Variants in BFSP2 observed in about 807,000 individuals in gnomAD.
BFSP2 encodes phakinin.
BFSP2 carries 38 observed loss-of-function variants against 44.9 expected under a neutral mutation model. The observed-to-expected ratio is 0.85, with a 90% CI of 0.65 to 1.11. The LOEUF is 1.11. Among genes scored for constraint, BFSP2 ranks in the 50% least tolerant of loss-of-function variants. The pLI is 0.00. For missense variants in BFSP2, 525 were observed against 533.0 expected, an observed-to-expected ratio of 0.99 and a Z score of 0.15; for synonymous variants, 197 against 209.9, an observed-to-expected ratio of 0.94 and a Z score of 0.53.
At chr3:133,463,501 T>C (rs531477812) in intron 4 of BFSP2, among the ~76,000 whole-genome samples, 3 of 152,238 alleles carry the variant, frequency 2.0e-5, no homozygotes, top group Non-Finnish European at 2.9e-5. Flanking sequence ...TGTCCGCATG[T>C]GCGATGGCCT....
At chr3:133,466,418 G>A (rs952097259) in intron 4 of BFSP2, among the ~76,000 whole-genome samples, 3 of 151,630 alleles carry the variant, frequency 2.0e-5, no homozygotes, top group East Asian at 1.9e-4. Flanking sequence ...GGTGGCTCAC[G>A]CCTGTAATCC....
rs146257317 is a variant in BFSP2, at chr3:133,450,420, G to T, written c.847G>T (p.Val283Phe). ...ETIRIQWERD[V>F]EKNRVEAGAL... ...GATCAGAATTCAGTGGGAGAGAGAT[G>T]TTGAAAAGAACCGGGTGGAGGCAGG... The change falls in exon 4 of 7, where the codon GTT becomes TTT. Residue 283 changes from valine (V) to phenylalanine (F), a missense_variant. Transcript: ENST00000302334. The T allele has an allele frequency of 1.2e-6, 2 of 1,614,148 alleles. No individual in the cohort carries two copies. The highest frequency in any genetic ancestry group is 1.7e-6 in the Non-Finnish European group (2 of 1,180,010).
intron 5 of BFSP2, among the ~76,000 whole-genome samples, chr3:133,468,123 A>G (rs1490258814): frequency 6.6e-6 from 1 of 152,182 alleles, no homozygotes; most frequent in Admixed American, 6.5e-5. Context: ...CTATGTTCCT[A>G]GAACTGTACC....
At chr3:133,410,951 T>C (rs921414634) in intron 1 of BFSP2, 4 of 152,394 alleles carry the variant, frequency 2.6e-5, no homozygotes, top group African/African-American at 9.6e-5. Flanking sequence ...TGTAAAAGTT[T>C]AGAGATGTTT....
At chr3:133,447,441 A>C (rs2073913855) in intron 2 of BFSP2, 42 bp downstream of exon 2, 3 of 1,587,644 alleles carry the variant, frequency 1.9e-6, no homozygotes, top group Non-Finnish European at 2.6e-6. Context: ...CCACATCCCT[A>C]GACTCCTAGG....
At chr3:133,422,747 T>A (rs1463243949) in intron 1 of BFSP2, among the ~76,000 whole-genome samples, 2 of 32,790 alleles carry the variant, frequency 6.1e-5, no homozygotes, top group Non-Finnish European at 1.5e-4. Context: ...AGCAGTTATA[T>A]TACCCCCAGC....
intron 3 of BFSP2, among the ~76,000 whole-genome samples, chr3:133,449,856 TC>T (rs1266559618): frequency 6.7e-6 from 1 of 150,242 alleles, no homozygotes; most frequent in Non-Finnish European, 1.5e-5. Context: ...GTCACTGCAC[TC>T]CAGCCTGGGT....
At chr3:133,404,645 T>C (rs906241930) in intron 1 of BFSP2, among the ~76,000 whole-genome samples, 1 of 152,144 alleles carries the variant, frequency 6.6e-6, no homozygotes, top group South Asian at 2.1e-4. Flanking sequence ...AAATAGCAGA[T>C]AAAAATTACC....
At chr3:133,431,217 C>T (rs1470873592) in intron 1 of BFSP2, among the ~76,000 whole-genome samples, 1 of 152,164 alleles carries the variant, frequency 6.6e-6, no homozygotes, top group East Asian at 1.9e-4. Context: ...AATTCCGGCC[C>T]TCAAACCCCA....
intron 1 of BFSP2, among the ~76,000 whole-genome samples, chr3:133,445,800 G>A (rs1159997173): frequency 4.6e-5 from 7 of 152,138 alleles, no homozygotes; most frequent in African/African-American, 1.7e-4. Flanking sequence ...TAAGAGACTT[G>A]AGCATCCGTG....
intron 1 of BFSP2, among the ~76,000 whole-genome samples, chr3:133,446,893 A>G (rs952563164): frequency 3.3e-5 from 5 of 151,654 alleles, no homozygotes; most frequent in African/African-American, 9.7e-5. Flanking sequence ...CGTCACAGGA[A>G]GCTCTCTCAG....
In BFSP2 at chr3:133,475,064, C is replaced by G; in HGVS notation, c.*92C>G. The stretch of plus-strand genomic sequence containing the variant: ...GAGGAGCTTTCTCCTGAGCTCCAGT[C>G]CCTGCTGGATTCCCTGGTTAATTCA... On this transcript the variant is annotated 3_prime_UTR_variant, in exon 7 of 7. Coordinates refer to ENST00000302334, the MANE Select transcript of BFSP2 (RefSeq NM_003571.4). 6.6e-7 allele frequency: 1 copy of G among 1,514,128 alleles called. No individual in the cohort carries two copies. The highest frequency in any genetic ancestry group is 9.2e-7 in the Non-Finnish European group (1 of 1,089,160). 93.8% of individuals were successfully genotyped at this position (1,514,128 alleles called of 1,614,324 possible). A position where few individuals can be genotyped will look rare whatever the true frequency, so the allele number is the denominator to read the frequency against.
At chr3:133,424,404 G>A (rs908766929) in intron 1 of BFSP2, among the ~76,000 whole-genome samples, 4 of 151,918 alleles carry the variant, frequency 2.6e-5, no homozygotes, top group African/African-American at 9.7e-5. Context: ...AAGAAACCTC[G>A]TTTCTTTCCT....
intron 3 of BFSP2, 112 bp from the exon 4 acceptor site, chr3:133,450,191 C>A: frequency 8.4e-7 from 1 of 1,194,482 alleles, no homozygotes; most frequent in Non-Finnish European, 1.2e-6. Flanking sequence ...CTGTGTCTGG[C>A]AGTTGTGGAA....
At chr3:133,473,750 T>C (rs1215449454) in intron 6 of BFSP2, among the ~76,000 whole-genome samples, 1 of 151,948 alleles carries the variant, frequency 6.6e-6, no homozygotes, top group South Asian at 2.1e-4. Flanking sequence ...ACACAGCACA[T>C]GTTTCAGAGA....
chr3:133,426,517 G>A (rs1237341708), intron 1 of BFSP2, among the ~76,000 whole-genome samples: 2 of 152,214 alleles, frequency 1.3e-5, no homozygotes, highest in East Asian at 3.8e-4. Flanking sequence ...TGACAAAGAT[G>A]AGGTTTGAGC....
At chr3:133,419,569 T>C (rs1413759118) in intron 1 of BFSP2, among the ~76,000 whole-genome samples, 1 of 152,218 alleles carries the variant, frequency 6.6e-6, no homozygotes, top group Non-Finnish European at 1.5e-5. Context: ...CTTTGGGATG[T>C]GCCTCTTTTT....
chr3:133,413,648 C>G (rs2073477279), intron 1 of BFSP2, among the ~76,000 whole-genome samples: 1 of 152,096 alleles, frequency 6.6e-6, no homozygotes, highest in Middle Eastern at 3.4e-3. Context: ...CATAAAGACT[C>G]ATTGATCTGG....
At chr3:133,462,959 T>C (rs917733853) in intron 4 of BFSP2, among the ~76,000 whole-genome samples, 2 of 152,132 alleles carry the variant, frequency 1.3e-5, no homozygotes, top group African/African-American at 4.8e-5. Flanking sequence ...CTGAAGGGCA[T>C]AAAGCAGAAG....
Sources: gnomAD v4.1 joint callset for allele counts (sites outside exome capture counted in the v4.1 genomes callset) on GRCh38, gnomAD v4.1.1 for gene constraint, MANE v1.5 for transcripts, NCBI Gene and HGNC (gene_info 2026-07-23, HGNC 2026-07-21) for gene names.